SPON1: variants seen among roughly 807,000 people sequenced by gnomAD.
The protein encoded by SPON1 is spondin 1.
In SPON1, 52 loss-of-function variants were observed where a neutral mutation model predicts 111.7. That is an observed-to-expected ratio of 0.47 (90% CI 0.37 to 0.59). The LOEUF is 0.59. Among genes scored for constraint, SPON1 ranks in the 20% least tolerant of loss-of-function variants. SPON1 has a pLI of 0.00. For missense variants in SPON1, 957 were observed against 1,068.5 expected (o/e 0.90, Z 1.46); for synonymous variants, 410 against 395.8 (o/e 1.04, Z -0.43).
chr11:14,241,385 G>A (rs1303403502), intron 6 of SPON1, among the ~76,000 whole-genome samples: 2 of 152,244 alleles, frequency 1.3e-5, no homozygotes, highest in Non-Finnish European at 2.9e-5. Flanking sequence ...TTTGGCAGGA[G>A]ACAGATACCG....
At chr11:14,160,441 ATT>A (rs1373757305) in intron 6 of SPON1, among the ~76,000 whole-genome samples, 2 of 17,552 alleles carry the variant, frequency 1.1e-4, no homozygotes, top group African/African-American at 6.7e-4. Flanking sequence ...TTATATATAT[ATT>A]TATATATATA....
At chr11:14,154,242 T>G (rs1186502608) in intron 6 of SPON1, among the ~76,000 whole-genome samples, 1 of 152,220 alleles carries the variant, frequency 6.6e-6, no homozygotes, top group African/African-American at 2.4e-5. Context: ...ACATTTCCCC[T>G]CTGCACTGTC....
intron 6 of SPON1, among the ~76,000 whole-genome samples, chr11:14,196,997 C>G (rs1848409599): frequency 6.6e-6 from 1 of 152,162 alleles, no homozygotes; most frequent in Non-Finnish European, 1.5e-5. Context: ...TTGCAGTGAA[C>G]AGAGATGGCA....
chr11:14,138,807 G>A (rs969030686), intron 6 of SPON1, among the ~76,000 whole-genome samples: 1 of 152,112 alleles, frequency 6.6e-6, no homozygotes, highest in Non-Finnish European at 1.5e-5. Flanking sequence ...GCCCAAAGAT[G>A]ATGCCCCTTT....
chr11:13,968,408 T>C (rs1207607776), intron 1 of SPON1, among the ~76,000 whole-genome samples: 8 of 152,240 alleles, frequency 5.3e-5, no homozygotes. Flanking sequence ...TATGAAGTAC[T>C]TGAAATGTGG....
rs79913528 is a variant in SPON1, at chr11:14,011,510, T to C, written c.345+28557T>C. 7.7e-4 allele frequency among the ~76,000 whole-genome samples: 117 copies of C among 151,800 alleles called. 3 individuals carry two copies. In the East Asian group the frequency reaches 0.022, roughly 28 times the overall value. Reference sequence around the variant, plus strand: ...GTTTAGGGGGCCTTCAGTCCACTCATGAGTGGATTCCTACTGCAGCCTCCC... The same window carrying C: ...GTTTAGGGGGCCTTCAGTCCACTCACGAGTGGATTCCTACTGCAGCCTCCC... On this transcript the variant is annotated intron_variant, in intron 2 of 15. Coordinates refer to ENST00000576479, the MANE Select transcript of SPON1 (RefSeq NM_006108.4).
chr11:14,058,478 C>T (rs893361759), intron 3 of SPON1, among the ~76,000 whole-genome samples: 6 of 151,958 alleles, frequency 3.9e-5, no homozygotes, highest in African/African-American at 1.5e-4. Flanking sequence ...AAGGTCCAGA[C>T]AGCAGTGGCA....
rs1848804489 is a variant in SPON1, at chr11:14,063,154, G to C, written c.480-12191G>C. Among the ~76,000 whole-genome samples, 4 of 152,106 alleles carry C rather than the reference G, an allele frequency of 2.6e-5. No homozygotes were observed. In the South Asian group the frequency reaches 8.3e-4, roughly 32 times the overall value. ...GTACATGTTACATTGTCAACCTTAG[G>C]ATATAGATTTTTACTTATGTATTGG... On this transcript the variant is annotated intron_variant, in intron 3 of 15. Coordinates refer to ENST00000576479, the MANE Select transcript of SPON1 (RefSeq NM_006108.4).
At chr11:14,173,706 A>G (rs545375134) in intron 6 of SPON1, among the ~76,000 whole-genome samples, 129 of 152,232 alleles carry the variant, frequency 8.5e-4, no homozygotes, top group Non-Finnish European at 1.4e-3. Flanking sequence ...TTTTCCTTCT[A>G]ACAGTCAGGA....
At chr11:14,063,285 A>G (rs1041401646) in intron 3 of SPON1, among the ~76,000 whole-genome samples, 2 of 152,180 alleles carry the variant, frequency 1.3e-5, no homozygotes, top group South Asian at 4.1e-4. Flanking sequence ...TGAGTGGTTT[A>G]CCATTAAAAT....
chr11:14,188,422 T>C (rs1848310214), intron 6 of SPON1, among the ~76,000 whole-genome samples: 1 of 152,134 alleles, frequency 6.6e-6, no homozygotes, highest in African/African-American at 2.4e-5. Context: ...ATTTTGTGGT[T>C]TAAGTTAAGG....
In SPON1 at chr11:14,190,989, C is replaced by A. The variant is rs1460018400; in HGVS notation, c.826-52343C>A. 1.3e-3 allele frequency among the ~76,000 whole-genome samples: 201 copies of A among 151,794 alleles called. 1 individual carries two copies. Among genetic ancestry groups the A allele is most frequent in the African/African-American group, 4.3e-3 (177 of 41,156 alleles). On this transcript the variant is annotated intron_variant, in intron 6 of 15. Transcript: ENST00000576479. ...ATGCTGAAAACAAAAAAGAAAAAAG[C>A]ACTTACAATCCCATCACTTGGTATA...
chr11:14,067,264 A>T (rs988243039), intron 3 of SPON1, among the ~76,000 whole-genome samples: 1 of 151,724 alleles, frequency 6.6e-6, no homozygotes, highest in Non-Finnish European at 1.5e-5. Context: ...ACAGAGCCTG[A>T]CTCCTCCTTT....
chr11:14,129,897 G>A (rs1042245546), intron 5 of SPON1, among the ~76,000 whole-genome samples: 1 of 152,130 alleles, frequency 6.6e-6, no homozygotes, highest in Non-Finnish European at 1.5e-5. Flanking sequence ...AATGAAGGGG[G>A]TACTGCCACA....
chr11:14,130,564 T>C (rs1847517141), intron 5 of SPON1, among the ~76,000 whole-genome samples: 1 of 151,878 alleles, frequency 6.6e-6, no homozygotes, highest in Admixed American at 6.6e-5. Context: ...GGAAGGCATT[T>C]TTTATGGCTG....
At chr11:14,054,685 G>A (rs1162414689) in intron 3 of SPON1, among the ~76,000 whole-genome samples, 2 of 152,046 alleles carry the variant, frequency 1.3e-5, no homozygotes, top group African/African-American at 2.4e-5. Context: ...CAAAAATCAA[G>A]GAATGGGGAA....
intron 6 of SPON1, among the ~76,000 whole-genome samples, chr11:14,152,516 G>A (rs1361877174): frequency 1.3e-5 from 2 of 152,148 alleles, no homozygotes; most frequent in African/African-American, 4.8e-5. Flanking sequence ...AGTAGCATTG[G>A]GGAAACTGAA....
At chr11:14,237,147 A>C (rs1194053730) in intron 6 of SPON1, among the ~76,000 whole-genome samples, 1 of 152,156 alleles carries the variant, frequency 6.6e-6, no homozygotes, top group Non-Finnish European at 1.5e-5. Flanking sequence ...ATTTCTTGCT[A>C]CTCATCACCA....
At chr11:14,096,620 C>G (rs531330196) in intron 5 of SPON1, among the ~76,000 whole-genome samples, 1 of 152,346 alleles carries the variant, frequency 6.6e-6, no homozygotes, top group Admixed American at 6.5e-5. Flanking sequence ...GCCACAGCTT[C>G]TGCCCAGCCA....
Sources: gnomAD v4.1 joint callset for allele counts (sites outside exome capture counted in the v4.1 genomes callset) on GRCh38, gnomAD v4.1.1 for gene constraint, MANE v1.5 for transcripts, NCBI Gene and HGNC (gene_info 2026-07-23, HGNC 2026-07-21) for gene names.